The following PSMD2 variants were observed in gnomAD, a reference collection of about 807,000 sequenced individuals.
PSMD2 encodes 26S proteasome non-ATPase regulatory subunit 2.
Under a neutral mutation model 101.5 loss-of-function variants are expected in PSMD2, and 8 were observed. The observed-to-expected ratio is 0.08, with a 90% CI of 0.05 to 0.14. PSMD2 has a LOEUF of 0.14. Ranked by LOEUF, PSMD2 falls within the 10% of genes least tolerant of loss-of-function variation. The pLI is 1.00. For missense variants in PSMD2, 784 were observed against 1,147.4 expected (o/e 0.68, Z 4.58); for synonymous variants, 418 against 433.8 (o/e 0.96, Z 0.45).
intron 3 of PSMD2, 90 bp from the exon 4 acceptor site, chr3:184,301,447 G>A (rs2108440893): frequency 6.6e-7 from 1 of 1,508,564 alleles, no homozygotes. Flanking sequence ...AGTTAGTTCA[G>A]TTTCGGAGAC....
Position 184,302,485 on chromosome 3 carries a change from G to A in PSMD2, c.820G>A (p.Asp274Asn), listed in dbSNP as rs1256925768. 2 of 1,614,184 alleles carry A rather than the reference G, an allele frequency of 1.2e-6. No individual in the cohort carries two copies. ...EALRLALMLN[D>N]MELVEDIFTS... ...TCTGAGATTGGCATTGATGCTCAAT[G>A]ACATGGAGTTGGTAGAAGACATCTT... The change falls in exon 6 of 21, where the codon GAC becomes AAC. Residue 274 changes from aspartate to asparagine, a missense_variant. Coordinates refer to ENST00000310118, the MANE Select transcript of PSMD2 (RefSeq NM_002808.5).
rs577951594 is a variant in PSMD2, at chr3:184,300,184, C to T, written c.193-96C>T. On this transcript the variant is annotated intron_variant, in intron 2 of 20. Coordinates refer to ENST00000310118, the MANE Select transcript of PSMD2 (RefSeq NM_002808.5). ...TCACAGATGAATGAATAAGACACAG[C>T]ATTTCCTTGGAGGAGTTGTTAAGTT... is the stretch of plus-strand genomic sequence containing the variant. 2.8e-4 allele frequency: 360 copies of T among 1,263,542 alleles called. 2 individuals are homozygous for T. The South Asian group carries it at 4.7e-3, about 16-fold the overall frequency. The allele number at this position is 1,263,542 out of a possible 1,614,324, so 78.3% of individuals were successfully genotyped here. A position where few individuals can be genotyped will look rare whatever the true frequency, so the allele number is the denominator to read the frequency against.
At position 184,301,952 on chromosome 3, in the gene PSMD2, C is replaced by G; in HGVS notation, c.585C>G (p.Asn195Lys). 5 of 1,614,244 alleles carry G rather than the reference C, an allele frequency of 3.1e-6. No homozygotes were observed. The highest frequency in any genetic ancestry group is 4.2e-6 in the Non-Finnish European group (5 of 1,180,046). ...TGGTGAAGGAAATCGTCCCCTATAA[C>G]ATGGCCCACAATGCAGAGCATGAGG... ...LTLVKEIVPY[N>K]MAHNAEHEAC... The change falls in exon 5 of 21, where the codon AAC (asparagine) becomes AAG (lysine). Residue 195 changes from asparagine to lysine, a missense_variant. Around this residue, in one of 6 missense-constraint regions of PSMD2, gnomAD observed 208 missense variants for 301.6 expected, o/e 0.69. Transcript: ENST00000310118.
Position 184,302,274 on chromosome 3 carries a change from A to G in PSMD2, c.705-96A>G, listed in dbSNP as rs979241535. On this transcript the variant is annotated intron_variant, in intron 5 of 20. Coordinates refer to ENST00000310118, the MANE Select transcript of PSMD2 (RefSeq NM_002808.5). Reference sequence around the variant, plus strand: ...ACATCTAGCACAGTGCCTGGTGTATATAGTAGATATTTATTATTTATTTTG... The same window carrying G: ...ACATCTAGCACAGTGCCTGGTGTATGTAGTAGATATTTATTATTTATTTTG... 100 of 1,326,108 alleles carry G rather than the reference A, an allele frequency of 7.5e-5. No individual in the cohort carries two copies. The African/African-American group carries it at 1.1e-3, about 15-fold the overall frequency. 82.1% of individuals were successfully genotyped at this position (1,326,108 alleles called of 1,614,324 possible). A position where few individuals can be genotyped will look rare whatever the true frequency, so the allele number is the denominator to read the frequency against.
chr3:184,302,231 GTCT>G lies in PSMD2; in HGVS notation c.705-134_705-132del, dbSNP rs935642600. The G allele has an allele frequency of 1.5e-5, 18 of 1,161,588 alleles. No individual in the cohort carries two copies. The African/African-American group carries it at 2.0e-4, about 13-fold the overall frequency. 72.0% of individuals were successfully genotyped at this position (1,161,588 alleles called of 1,614,324 possible). ...AGTTTCTTGAGGACAGAGACTTTGT[GTCT>G]TCTTAGTAGTTCTAACATCTAGCAC... On this transcript the variant is annotated intron_variant, in intron 5 of 20. Transcript: ENST00000310118.
intron 2 of PSMD2, among the ~76,000 whole-genome samples, 162 bp from the exon 3 acceptor site, chr3:184,300,118 C>T (rs989763015): frequency 6.6e-6 from 1 of 151,932 alleles, no homozygotes; most frequent in African/African-American, 2.4e-5. Flanking sequence ...TAACTTGGGT[C>T]ATTTGTTTTT....
chr3:184,301,926 C>G lies in PSMD2; in HGVS notation c.559C>G (p.Leu187Val), dbSNP rs1363228124. 3 of 1,614,238 alleles carry G rather than the reference C, an allele frequency of 1.9e-6. No homozygotes were observed. The highest frequency in any genetic ancestry group is 2.7e-5 in the African/African-American group (2 of 75,058). Residue 187 changes from leucine to valine, a missense_variant, in exon 5 of 21, where the codon CTG (leucine) becomes GTG (valine). Transcript: ENST00000310118. ...EKVQREPLLT[L>V]VKEIVPYNMA... ...GGTCCAGCGGGAGCCTCTGCTCACT[C>G]TGGTGAAGGAAATCGTCCCCTATAA...
intron 15 of PSMD2, 96 bp downstream of exon 15, chr3:184,306,591 G>T (rs1436997218): frequency 1.3e-6 from 2 of 1,543,654 alleles, no homozygotes; most frequent in South Asian, 1.3e-5. Flanking sequence ...GCCTCTCTGG[G>T]TATTGCCATG....
chr3:184,305,505 A>G (rs1417324911), intron 12 of PSMD2, among the ~76,000 whole-genome samples: 1 of 148,390 alleles, frequency 6.7e-6, no homozygotes, highest in Non-Finnish European at 1.5e-5. Context: ...AAAAAAAAAA[A>G]GCAGTGCAGG....
chr3:184,306,193 T>G (rs1268369848), intron 14 of PSMD2, 38 bp downstream of exon 14: 4 of 1,607,706 alleles, frequency 2.5e-6, no homozygotes, highest in Non-Finnish European at 3.4e-6. Flanking sequence ...GCTTCCCCAG[T>G]GACTCCTCAC....
At chr3:184,300,498 A>G in intron 3 of PSMD2, 54 bp downstream of exon 3, 1 of 1,582,706 alleles carries the variant, frequency 6.3e-7, no homozygotes. Context: ...CTTTTTACCC[A>G]GATCATGGGG....
rs952085608 is a variant in PSMD2, at chr3:184,308,143, A to G, written c.2425+127A>G. On this transcript the variant is annotated intron_variant, in intron 19 of 20. Transcript: ENST00000310118. The surrounding 1 kb of genome is among the most constrained non-coding windows in gnomAD (Gnocchi z 6.0). ...CTGTATCGCTCTAGGTTTCTGAGACAGGCTTTGGGCCTGTGACATGAGACT... is the reference window on the plus strand; with the variant it reads ...CTGTATCGCTCTAGGTTTCTGAGACGGGCTTTGGGCCTGTGACATGAGACT... The G allele has an allele frequency of 1.1e-5, 14 of 1,273,830 alleles. No individual in the cohort carries two copies. Among genetic ancestry groups the G allele is most frequent in the Admixed American group, 2.5e-5 (1 of 39,886 alleles). The allele number at this position is 1,273,830 out of a possible 1,614,324, so 78.9% of individuals were successfully genotyped here.
In PSMD2 at chr3:184,299,886, G is replaced by A; in HGVS notation, c.171G>A (p.Glu57=). The A allele has an allele frequency of 6.2e-7, 1 of 1,613,962 alleles. No individual in the cohort carries two copies. The change falls in exon 2 of 21, where the codon GAG becomes GAA. Residue 57 remains glutamate, a synonymous_variant. Coordinates refer to ENST00000310118, the MANE Select transcript of PSMD2 (RefSeq NM_002808.5). ...ATAAACAGCTTCAAGATGAACTGGA[G>A]ATGCTCGTGGAACGACTAGGGGTGA... ...EEDKQLQDEL[E]MLVERLGEKD...
At chr3:184,306,314 C>A (rs201421360) in intron 14 of PSMD2, 36 bp from the exon 15 acceptor site, 1 of 1,605,866 alleles carries the variant, frequency 6.2e-7, no homozygotes, top group Non-Finnish European at 8.5e-7. Flanking sequence ...GGTAACTTCT[C>A]ATTTCTGTCC....
chr3:184,308,761 G>A lies in PSMD2; in HGVS notation c.2598G>A (p.Gln866=). The A allele has an allele frequency of 3.1e-6, 5 of 1,614,208 alleles. No individual in the cohort carries two copies. Among genetic ancestry groups the A allele is most frequent in the Non-Finnish European group, 4.2e-6 (5 of 1,180,024 alleles). The part of the protein sequence containing the change: ...AGKPKTITGF[Q]THTTPVLLAH... ...AGCCGAAGACTATCACAGGGTTCCA[G>A]ACGCATACAACCCCAGTGTTGTTGG... The change falls in exon 21 of 21, where the codon CAG becomes CAA. Residue 866 remains glutamine, a synonymous_variant. Transcript: ENST00000310118. The surrounding 1 kb of genome is among the most constrained non-coding windows in gnomAD (Gnocchi z 6.0).
Position 184,304,467 on chromosome 3 carries a change from A to G in PSMD2, c.1539+76A>G. On this transcript the variant is annotated intron_variant, in intron 12 of 20. Coordinates refer to ENST00000310118, the MANE Select transcript of PSMD2 (RefSeq NM_002808.5). This position sits in a 1 kb window ranked among gnomAD's most constrained non-coding sequence, Gnocchi z 4.1. ...TCTTACTTTCTGTGATAAATAATGA[A>G]AAAGAAGTAAGTGTGTGCATGTGTG... is the stretch of plus-strand genomic sequence containing the variant. 1 of 1,459,154 alleles carries G rather than the reference A, an allele frequency of 6.9e-7. No individual in the cohort carries two copies. Among genetic ancestry groups the G allele is most frequent in the Non-Finnish European group, 9.6e-7 (1 of 1,040,730 alleles). The allele number at this position is 1,459,154 out of a possible 1,614,324, so 90.4% of individuals were successfully genotyped here. A position where few individuals can be genotyped will look rare whatever the true frequency, so the allele number is the denominator to read the frequency against.
rs749719125 is a variant in PSMD2 at position 184,300,335 on chromosome 3, G to A, written c.248G>A (p.Arg83His). ...PALEELRRQI[R>H]SSTTSMTSVP... ...CTGGAGGAATTGCGAAGGCAGATTCGTTCTTCTACAACTTCCATGACTTCA... is the reference window on the plus strand; with the variant it reads ...CTGGAGGAATTGCGAAGGCAGATTCATTCTTCTACAACTTCCATGACTTCA... Residue 83 changes from arginine (R) to histidine (H), a missense_variant, in exon 3 of 21, where the codon CGT becomes CAT. By Grantham distance (29) the Arg-to-His change is conservative. This residue lies in a region of PSMD2 where 196 missense variants were observed against 182.4 expected (regional missense o/e 1.07). Coordinates refer to ENST00000310118, the MANE Select transcript of PSMD2 (RefSeq NM_002808.5). 1.2e-6 allele frequency: 2 copies of A among 1,613,864 alleles called. No individual in the cohort carries two copies. Among genetic ancestry groups the A allele is most frequent in the African/African-American group, 1.3e-5 (1 of 75,026 alleles).
rs752214698 is a variant in PSMD2, at chr3:184,301,841, C to T, written c.480-6C>T. ...TGCTCTCTTAATCGTCTGGGACTAT[C>T]TGTAGGCATCTGGCAGGAGAAGTGG... On this transcript the variant is annotated splice_region_variant and splice_polypyrimidine_tract_variant and intron_variant, in intron 4 of 20. Coordinates refer to ENST00000310118, the MANE Select transcript of PSMD2 (RefSeq NM_002808.5). 2 of 1,614,194 alleles carry T rather than the reference C, an allele frequency of 1.2e-6. No individual in the cohort carries two copies. The highest frequency in any genetic ancestry group is 1.7e-4 in the Middle Eastern group (1 of 6,060).
At position 184,308,860 on chromosome 3, in the gene PSMD2, C is replaced by G; in HGVS notation, c.2697C>G (p.Ile899Met). 1 of 1,612,348 alleles carries G rather than the reference C, an allele frequency of 6.2e-7. No individual in the cohort carries two copies. The highest frequency in any genetic ancestry group is 1.1e-5 in the South Asian group (1 of 90,990). The change falls in exon 21 of 21, where the codon ATC (isoleucine) becomes ATG (methionine). Residue 899 changes from isoleucine to methionine, a missense_variant. This residue lies in a region of PSMD2 where 33 missense variants were observed against 38.2 expected (regional missense o/e 0.86). Coordinates refer to ENST00000310118, the MANE Select transcript of PSMD2 (RefSeq NM_002808.5). The surrounding 1 kb of genome is among the most constrained non-coding windows in gnomAD (Gnocchi z 6.0). ...CCCCCATTCTGGAAGGTTTTGTTATCCTTCGGAAGAACCCCAATTATGATC... is the reference window on the plus strand; with the variant it reads ...CCCCCATTCTGGAAGGTTTTGTTATGCTTCGGAAGAACCCCAATTATGATC... Reference protein sequence around the residue: ...PVTPILEGFVILRKNPNYDL With the variant: ...PVTPILEGFVMLRKNPNYDL
Sources: allele counts gnomAD v4.1 joint callset (sites outside exome capture counted in the v4.1 genomes callset), GRCh38; gene constraint gnomAD v4.1.1; regional missense constraint gnomAD v4.1.1; non-coding constraint Gnocchi (gnomAD v3.1); transcripts MANE v1.5; gene names NCBI Gene and HGNC (gene_info 2026-07-23, HGNC 2026-07-21).